TRMT11: variants seen among roughly 807,000 people sequenced by gnomAD.
The protein encoded by TRMT11 is tRNA methyltransferase 11, also known as tRNA (guanine(10)-N(2))-methyltransferase TRMT11.
In TRMT11, 53 loss-of-function variants were observed where a neutral mutation model predicts 62.8. The observed-to-expected ratio is 0.84, with a 90% CI of 0.68 to 1.06. The LOEUF (loss-of-function observed/expected upper bound fraction) is 1.06, where lower values mean the gene tolerates loss of function less well. TRMT11 is among the 50% of genes least tolerant of loss of function. The pLI, the probability that TRMT11 is intolerant of heterozygous loss-of-function variation, is 0.00. For synonymous variants in TRMT11, 188 were observed against 190.3 expected (o/e 0.99, Z 0.10); for missense variants, 556 against 553.4 (o/e 1.00, Z -0.05).
chr6:126,003,791 AT>A (rs1158057627), intron 7 of TRMT11, among the ~76,000 whole-genome samples: 1 of 151,210 alleles, frequency 6.6e-6, no homozygotes, highest in Non-Finnish European at 1.5e-5. Flanking sequence ...CACTCCCCTT[AT>A]TTTTCTGTGA....
At chr6:126,143,316 G>A (rs534678822) in intron 21 of TRMT11, among the ~76,000 whole-genome samples, 2 of 152,182 alleles carry the variant, frequency 1.3e-5, no homozygotes, top group East Asian at 1.9e-4. Flanking sequence ...ATATACATAA[G>A]GGTATGGAGA....
intron 17 of TRMT11, among the ~76,000 whole-genome samples, chr6:126,110,446 T>G (rs1314305644): frequency 6.6e-6 from 1 of 152,156 alleles, no homozygotes; most frequent in Non-Finnish European, 1.5e-5. Context: ...TAAAATTACA[T>G]TAGAAAATAA....
chr6:125,995,752 A>G (rs1291412271), intron 2 of TRMT11, among the ~76,000 whole-genome samples: 1 of 152,192 alleles, frequency 6.6e-6, no homozygotes, highest in Non-Finnish European at 1.5e-5. Flanking sequence ...ATTTGAGGAT[A>G]TATTCGTTTA....
chr6:126,181,913 G>A (rs1456173954), intron 1 of TRMT11, among the ~76,000 whole-genome samples: 1 of 152,106 alleles, frequency 6.6e-6, no homozygotes, highest in African/African-American at 2.4e-5. Flanking sequence ...AAGGAATACA[G>A]TTTGCCAAAT....
chr6:126,262,633 TG>T, the TRMT11 span, among the ~76,000 whole-genome samples: 1 of 152,216 alleles, frequency 6.6e-6, no homozygotes, highest in South Asian at 2.1e-4. Context: ...TGTGAAATTT[TG>T]GATACTCTTC....
At chr6:126,259,773 A>T in the TRMT11 span, among the ~76,000 whole-genome samples, 2 of 152,166 alleles carry the variant, frequency 1.3e-5, no homozygotes, top group Non-Finnish European at 2.9e-5. Flanking sequence ...ATATATATTT[A>T]TAATTGTTAT....
At chr6:126,053,376 T>A (rs1285959721) in intron 17 of TRMT11, among the ~76,000 whole-genome samples, 1 of 152,162 alleles carries the variant, frequency 6.6e-6, no homozygotes, top group Non-Finnish European at 1.5e-5. Flanking sequence ...AGATAAAGGT[T>A]TCACCTTCCT....
chr6:126,011,731 A>G (rs1182295047), intron 9 of TRMT11, among the ~76,000 whole-genome samples: 3 of 151,898 alleles, frequency 2.0e-5, no homozygotes, highest in Non-Finnish European at 4.4e-5. Flanking sequence ...TTGTTTTTGT[A>G]TTGACTATAA....
chr6:126,246,634 G>A, the TRMT11 span, among the ~76,000 whole-genome samples: 1 of 152,166 alleles, frequency 6.6e-6, no homozygotes, highest in East Asian at 1.9e-4. Flanking sequence ...AACACTTAGG[G>A]AAAGATAAGA....
chr6:126,117,010 T>C (rs112164275), intron 21 of TRMT11, among the ~76,000 whole-genome samples: 4,079 of 152,194 alleles, frequency 0.027, 67 homozygotes, highest in Non-Finnish European at 0.039. Flanking sequence ...TAGGCCTTGC[T>C]AAGATGAAGT....
intron 17 of TRMT11, among the ~76,000 whole-genome samples, chr6:126,104,701 A>G (rs999293646): frequency 6.6e-6 from 1 of 152,154 alleles, no homozygotes; most frequent in Non-Finnish European, 1.5e-5. Flanking sequence ...ACATATTTAC[A>G]TTTTGTTTTT....
intron 21 of TRMT11, among the ~76,000 whole-genome samples, chr6:126,124,622 C>A (rs1044858665): frequency 1.3e-5 from 2 of 152,046 alleles, no homozygotes; most frequent in African/African-American, 4.8e-5. Context: ...TTCTCTCAGG[C>A]CTGTCACTGG....
intron 9 of TRMT11, 130 bp from the exon 10 acceptor site, chr6:126,012,640 CA>C (rs1280403528): frequency 8.2e-6 from 5 of 609,010 alleles, no homozygotes; most frequent in Non-Finnish European, 1.5e-5. Context: ...TGTACATTTT[CA>C]GTTGGATTTG....
intron 11 of TRMT11, among the ~76,000 whole-genome samples, chr6:126,014,525 AG>A (rs1434675385): frequency 6.6e-6 from 1 of 152,234 alleles, no homozygotes; most frequent in African/African-American, 2.4e-5. Context: ...TTGGGATTAT[AG>A]GCGTGAGCCA....
chr6:126,005,410 G>A (rs1057493616), intron 7 of TRMT11, among the ~76,000 whole-genome samples: 1 of 151,980 alleles, frequency 6.6e-6, no homozygotes, highest in African/African-American at 2.4e-5. Flanking sequence ...TGGGTTTCAC[G>A]TCTATCATTT....
chr6:126,137,620 T>G (rs1053522715), intron 21 of TRMT11, among the ~76,000 whole-genome samples: 13 of 151,934 alleles, frequency 8.6e-5, no homozygotes, highest in African/African-American at 3.1e-4. Flanking sequence ...TTGCTGGGTA[T>G]ATGTCCAAAA....
At chr6:126,068,083 A>G (rs532125915) in intron 17 of TRMT11, among the ~76,000 whole-genome samples, 70 of 152,134 alleles carry the variant, frequency 4.6e-4, no homozygotes, top group Admixed American at 4.6e-4. Flanking sequence ...TCCCATGTGT[A>G]TAGATCATTT....
intron 3 of TRMT11, among the ~76,000 whole-genome samples, chr6:126,201,243 T>C (rs1323510884): frequency 6.6e-6 from 1 of 152,206 alleles, no homozygotes; most frequent in Non-Finnish European, 1.5e-5. Context: ...TTTTAAACAA[T>C]AAATGTTACA....
chr6:126,057,174 A>C (rs1235189953), intron 17 of TRMT11, among the ~76,000 whole-genome samples: 1 of 152,196 alleles, frequency 6.6e-6, no homozygotes, highest in Non-Finnish European at 1.5e-5. Flanking sequence ...GATTTCTGGG[A>C]GAGAGTTCAA....
Sources: allele counts gnomAD v4.1 joint callset (sites outside exome capture counted in the v4.1 genomes callset), GRCh38; gene constraint gnomAD v4.1.1; transcripts MANE v1.5; gene names NCBI Gene and HGNC (gene_info 2026-07-23, HGNC 2026-07-21).